SPAG1: variants seen among roughly 807,000 people sequenced by gnomAD.
SPAG1 encodes the protein sperm associated antigen 1.
Under a neutral mutation model 100.5 loss-of-function variants are expected in SPAG1, and 69 were observed. The ratio of observed to expected loss-of-function variants is 0.69; its 90% CI spans 0.57 to 0.84. The LOEUF (loss-of-function observed/expected upper bound fraction) is 0.84. Among genes scored for constraint, SPAG1 ranks in the 40% least tolerant of loss-of-function variants. SPAG1 has a pLI of 0.00. For missense variants in SPAG1, 955 were observed against 1,133.1 expected (o/e 0.84, Z 2.26); for synonymous variants, 336 against 411.6 (o/e 0.82, Z 2.22).
rs1817450739 is a variant in SPAG1 at position 100,205,104 on chromosome 8, A to G, written c.1097-7986A>G. The stretch of plus-strand genomic sequence containing the variant: ...TTCTAGGTCAAATGGACAAAAGACT[A>G]ATTTGAATTATAAAAACAGAGAATC... On this transcript the variant is annotated intron_variant, in intron 10 of 18. Coordinates refer to ENST00000388798, the MANE Select transcript of SPAG1 (RefSeq NM_003114.5). Among the ~76,000 whole-genome samples, 3 of 152,214 alleles carry G rather than the reference A, an allele frequency of 2.0e-5. No homozygotes were observed. The East Asian group carries it at 5.8e-4, about 29-fold the overall frequency.
In SPAG1 at chr8:100,206,413, C is replaced by A. The variant is rs866012981; in HGVS notation, c.1097-6677C>A. Among the ~76,000 whole-genome samples, 10 of 152,302 alleles carry A rather than the reference C, an allele frequency of 6.6e-5. No homozygotes were observed. The East Asian group carries it at 1.2e-3, about 18-fold the overall frequency. On this transcript the variant is annotated intron_variant, in intron 10 of 18. Transcript: ENST00000388798. ...TGTGTCATAGTCTTATTCGGAAAGA[C>A]CTTGATTGCTTTTTGCTTTGGCAAG... is the stretch of plus-strand genomic sequence containing the variant.
chr8:100,198,401 T>G (rs1179799471), intron 10 of SPAG1, among the ~76,000 whole-genome samples: 1 of 152,120 alleles, frequency 6.6e-6, no homozygotes, highest in South Asian at 2.1e-4. Context: ...GTTGATAACC[T>G]TATAATATGA....
intron 8 of SPAG1, among the ~76,000 whole-genome samples, chr8:100,188,148 C>T (rs1289810285): frequency 6.6e-6 from 1 of 151,584 alleles, no homozygotes; most frequent in Non-Finnish European, 1.5e-5. Flanking sequence ...AGCTACTGCT[C>T]CCAGCCTGTT....
At chr8:100,172,954 T>C (rs1355402124) in intron 3 of SPAG1, among the ~76,000 whole-genome samples, 1 of 151,892 alleles carries the variant, frequency 6.6e-6, no homozygotes, top group African/African-American at 2.4e-5. Flanking sequence ...GGCTTTGTTT[T>C]CAGGATGCAG....
intron 10 of SPAG1, among the ~76,000 whole-genome samples, chr8:100,201,059 G>T (rs1817256718): frequency 6.6e-6 from 1 of 150,818 alleles, no homozygotes. Flanking sequence ...AGAATCCATT[G>T]TCAAATCCAA....
intron 3 of SPAG1, among the ~76,000 whole-genome samples, chr8:100,168,869 T>C (rs1353843991): frequency 1.3e-5 from 2 of 151,794 alleles, no homozygotes; most frequent in Non-Finnish European, 2.9e-5. Flanking sequence ...GTATTTTTAG[T>C]AGAGACAAGG....
intron 13 of SPAG1, 111 bp downstream of exon 13, chr8:100,220,542 C>T: frequency 1.2e-6 from 1 of 862,420 alleles, no homozygotes. Flanking sequence ...ACTTTTATCA[C>T]CTGAATGATT....
intron 8 of SPAG1, among the ~76,000 whole-genome samples, chr8:100,188,710 A>C (rs1182322686): frequency 6.6e-6 from 1 of 152,146 alleles, no homozygotes; most frequent in African/African-American, 2.4e-5. Context: ...TATTTCTTTA[A>C]ATTTTTATGG....
intron 3 of SPAG1, among the ~76,000 whole-genome samples, chr8:100,171,039 A>G (rs951904906): frequency 1.3e-5 from 2 of 152,038 alleles, no homozygotes; most frequent in Admixed American, 1.3e-4. Context: ...TTGTTTGATG[A>G]GAATTTTTAT....
At position 100,239,093 on chromosome 8, in the gene SPAG1, AC is replaced by A; in HGVS notation, c.2116-143del. The A allele has an allele frequency of 2.2e-6, 1 of 459,870 alleles. No individual in the cohort carries two copies. Among genetic ancestry groups the A allele is most frequent in the Non-Finnish European group, 3.9e-6 (1 of 258,090 alleles). 28.5% of individuals were successfully genotyped at this position (459,870 alleles called of 1,614,324 possible). On this transcript the variant is annotated intron_variant, in intron 16 of 18. Coordinates refer to ENST00000388798, the MANE Select transcript of SPAG1 (RefSeq NM_003114.5). This position sits in a 1 kb window ranked among gnomAD's most constrained non-coding sequence, Gnocchi z 5.0. ...GTTATACTATTTCAGCTGCATATTC[AC>A]CCCACAGGCTCACTTTGTAAGAGTG...
At position 100,240,701 on chromosome 8, in the gene SPAG1, A is replaced by G. The variant is rs761626330; in HGVS notation, c.2579A>G (p.Asn860Ser). Residue 860 changes from asparagine (N) to serine (S), a missense_variant, in exon 18 of 19, where the codon AAT becomes AGT. Coordinates refer to ENST00000388798, the MANE Select transcript of SPAG1 (RefSeq NM_003114.5). ...CTCCTCATTCAGTCTCTGAAAAATA[A>G]TCTTATTGAAAAAGATCCCTCATTG... ...FLLLIQSLKN[N>S]LIEKDPSLVY... 1 of 1,613,892 alleles carries G rather than the reference A, an allele frequency of 6.2e-7. No individual in the cohort carries two copies. Among genetic ancestry groups the G allele is most frequent in the Non-Finnish European group, 8.5e-7 (1 of 1,179,926 alleles).
At chr8:100,210,129 G>A (rs1320277151) in intron 10 of SPAG1, among the ~76,000 whole-genome samples, 1 of 150,834 alleles carries the variant, frequency 6.6e-6, no homozygotes, top group Non-Finnish European at 1.5e-5. Flanking sequence ...TGTTGGCTCT[G>A]GGTTTTTCAT....
At chr8:100,176,972 T>TC (rs1816159185) in intron 3 of SPAG1, among the ~76,000 whole-genome samples, 1 of 151,546 alleles carries the variant, frequency 6.6e-6, no homozygotes, top group Non-Finnish European at 1.5e-5. Context: ...TTCTTTTTTT[T>TC]CAATGGTCCT....
chr8:100,211,801 A>G (rs1326753161), intron 10 of SPAG1, among the ~76,000 whole-genome samples: 1 of 152,206 alleles, frequency 6.6e-6, no homozygotes, highest in Non-Finnish European at 1.5e-5. Context: ...TGGTATTAGG[A>G]TTAATGTGAT....
chr8:100,160,075 G>C (rs1815238820), intron 1 of SPAG1, among the ~76,000 whole-genome samples: 1 of 152,194 alleles, frequency 6.6e-6, no homozygotes. Flanking sequence ...AAAGTACTTA[G>C]AATGGTGCCT....
At chr8:100,158,248 C>G (rs1815147786), upstream of SPAG1, 1 of 152,232 alleles carries the variant, frequency 6.6e-6, no homozygotes, top group Non-Finnish European at 1.5e-5. Flanking sequence ...GGAGAAGGAG[C>G]GATGGGGTGG....
chr8:100,168,615 G>C (rs1815670615), intron 3 of SPAG1, among the ~76,000 whole-genome samples: 1 of 148,966 alleles, frequency 6.7e-6, no homozygotes, highest in African/African-American at 2.5e-5. Context: ...GTCCAGGCTA[G>C]TCTTGAACTC....
intron 2 of SPAG1, 84 bp downstream of exon 2, chr8:100,162,504 A>T: frequency 8.6e-7 from 1 of 1,165,278 alleles, no homozygotes; most frequent in Non-Finnish European, 1.2e-6. Flanking sequence ...AAGCTACATT[A>T]GAAATATCTG....
chr8:100,184,595 C>T (rs773211333), intron 6 of SPAG1, 33 bp from the exon 7 acceptor site: 12 of 1,163,736 alleles, frequency 1.0e-5, no homozygotes, highest in South Asian at 9.1e-5. Flanking sequence ...TTAAATTATA[C>T]GTTTACATAT....
Sources: gnomAD v4.1 joint callset for allele counts (sites outside exome capture counted in the v4.1 genomes callset) on GRCh38, gnomAD v4.1.1 for gene constraint, Gnocchi (gnomAD v3.1) non-coding constraint, MANE v1.5 for transcripts, NCBI Gene and HGNC (gene_info 2026-07-23, HGNC 2026-07-21) for gene names.